Variants in SLC19A3 observed in about 807,000 individuals in gnomAD.
The protein encoded by SLC19A3 is solute carrier family 19 member 3.
A neutral mutation model predicts 40.2 loss-of-function variants in SLC19A3; 31 were observed. The observed-to-expected ratio is 0.77, with a 90% CI of 0.58 to 1.04. The LOEUF (loss-of-function observed/expected upper bound fraction) is 1.04, where lower values mean the gene tolerates loss of function less well. Ranked by LOEUF, SLC19A3 falls within the 50% of genes least tolerant of loss-of-function variation. The probability of loss-of-function intolerance (pLI) is 0.00; values close to 1 mark genes in which losing one functional copy is unlikely to be tolerated. For synonymous variants in SLC19A3, 212 were observed against 227.5 expected (o/e 0.93, Z 0.61); for missense variants, 592 against 596.7 (o/e 0.99, Z 0.08).
chr2:227,687,233 A>T lies in SLC19A3; in HGVS notation c.*164T>A. On this transcript the variant is annotated 3_prime_UTR_variant, in exon 6 of 6. Transcript: ENST00000644224. ...GCATCCAGTAAAATTGGTCACATAGAGAACTCATCTAAAACTGAGGTTTTG... is the reference window on the plus strand; with the variant it reads ...GCATCCAGTAAAATTGGTCACATAGTGAACTCATCTAAAACTGAGGTTTTG... The T allele has an allele frequency of 4.5e-6, 3 of 668,038 alleles. No homozygotes were observed. The highest frequency in any genetic ancestry group is 7.5e-6 in the Non-Finnish European group (3 of 401,200). 41.4% of individuals were successfully genotyped at this position (668,038 alleles called of 1,614,324 possible). A position where few individuals can be genotyped will look rare whatever the true frequency, so the allele number is the denominator to read the frequency against.
intron 1 of SLC19A3, chr2:227,706,664 G>A (rs527583773): frequency 5.5e-6 from 1 of 181,118 alleles, no homozygotes; most frequent in East Asian, 1.4e-4. Context: ...CCAGCTACTT[G>A]GGTGGCTGAG....
chr2:227,705,039 G>A (rs537073212), intron 1 of SLC19A3, among the ~76,000 whole-genome samples: 10 of 151,946 alleles, frequency 6.6e-5, no homozygotes, highest in South Asian at 2.1e-4. Flanking sequence ...CACCATGCCT[G>A]GCTAATTTTT....
intron 1 of SLC19A3, chr2:227,714,484 A>G: frequency 1.0e-6 from 1 of 985,414 alleles, no homozygotes; most frequent in Non-Finnish European, 1.2e-6. Flanking sequence ...CTTTCTTTCT[A>G]GAACCAAGCT....
At chr2:227,699,643 C>T (rs1695599033) in intron 2 of SLC19A3, 79 bp from the exon 3 acceptor site, 1 of 1,192,180 alleles carries the variant, frequency 8.4e-7, no homozygotes, top group East Asian at 2.3e-5. Flanking sequence ...TCAAATTCTG[C>T]CTCCAATTGG....
At chr2:227,688,056 G>GT in intron 5 of SLC19A3, 110 bp downstream of exon 5, 1 of 1,172,942 alleles carries the variant, frequency 8.5e-7, no homozygotes, top group Non-Finnish European at 1.3e-6. Context: ...AAGGAATTAT[G>GT]TATTTTTTAA....
intron 3 of SLC19A3, 72 bp from the exon 4 acceptor site, chr2:227,696,153 A>G: frequency 2.8e-6 from 4 of 1,434,340 alleles, no homozygotes; most frequent in Admixed American, 1.7e-5. Context: ...CCCTCTCTTA[A>G]AAACCCAGGT....
At position 227,687,292 on chromosome 2, in the gene SLC19A3, T is replaced by C; in HGVS notation, c.*105A>G. On this transcript the variant is annotated 3_prime_UTR_variant, in exon 6 of 6. Transcript: ENST00000644224. Reference sequence around the variant, plus strand: ...TTGAAAGGTCCATTGGAATCCAGATTTGCAAAGCATGTCAAGTTATGGCAA... The same window carrying C: ...TTGAAAGGTCCATTGGAATCCAGATCTGCAAAGCATGTCAAGTTATGGCAA... 2.5e-6 allele frequency: 3 copies of C among 1,214,386 alleles called. No individual in the cohort carries two copies. The South Asian group carries it at 4.5e-5, about 18-fold the overall frequency. 75.2% of individuals were successfully genotyped at this position (1,214,386 alleles called of 1,614,324 possible).
At position 227,699,660 on chromosome 2, in the gene SLC19A3, T is replaced by C; in HGVS notation, c.151-96A>G. The C allele has an allele frequency of 2.9e-6, 3 of 1,018,748 alleles. No individual in the cohort carries two copies. The South Asian group carries it at 3.8e-5, about 13-fold the overall frequency. The allele number at this position is 1,018,748 out of a possible 1,614,324, so 63.1% of individuals were successfully genotyped here. A position where few individuals can be genotyped will look rare whatever the true frequency, so the allele number is the denominator to read the frequency against. On this transcript the variant is annotated intron_variant, in intron 2 of 5. Transcript: ENST00000644224. ...AAATTCTGCCTCCAATTGGAAATTA[T>C]TCGCATTACGGAGAAACATAATGAG...
intron 5 of SLC19A3, 133 bp from the exon 6 acceptor site, chr2:227,687,706 T>C (rs568041183): frequency 1.2e-6 from 1 of 820,132 alleles, no homozygotes; most frequent in Non-Finnish European, 2.0e-6. Flanking sequence ...GTCATTTAGG[T>C]TGAACAATAC....
At chr2:227,695,621 C>T in intron 4 of SLC19A3, 1 of 433,532 alleles carries the variant, frequency 2.3e-6, no homozygotes, top group Non-Finnish European at 4.2e-6. Context: ...CAAAATAAAA[C>T]AAAAAGAAAA....
Position 227,695,869 on chromosome 2 carries a change from G to A in SLC19A3, c.1172+20C>T. Reference sequence around the variant, plus strand: ...AGAGAGGAATACAGTTCAGTTTTAGGAGTGGTTGGTAAAACTTACACTGCT... The same window carrying A: ...AGAGAGGAATACAGTTCAGTTTTAGAAGTGGTTGGTAAAACTTACACTGCT... On this transcript the variant is annotated intron_variant, in intron 4 of 5. Transcript: ENST00000644224. 1 of 1,608,890 alleles carries A rather than the reference G, an allele frequency of 6.2e-7. No homozygotes were observed. The highest frequency in any genetic ancestry group is 8.5e-7 in the Non-Finnish European group (1 of 1,175,824).
Position 227,703,170 on chromosome 2 carries a change from G to A in SLC19A3, c.-2-850C>T, listed in dbSNP as rs899861509. Among the ~76,000 whole-genome samples the A allele has an allele frequency of 1.4e-4, 22 of 152,292 alleles. No individual in the cohort carries two copies. Among genetic ancestry groups the A allele is most frequent in the Admixed American group, 9.2e-4 (14 of 15,288 alleles). ...TGACAACCACAGTGAGGGAAAAAAC[G>A]TGTATTTATAAACACATTCACACTA... On this transcript the variant is annotated intron_variant, in intron 1 of 5. Coordinates refer to ENST00000644224, the MANE Select transcript of SLC19A3 (RefSeq NM_025243.4). This position sits in a 1 kb window ranked among gnomAD's most constrained non-coding sequence, Gnocchi z 4.7.
intron 1 of SLC19A3, among the ~76,000 whole-genome samples, chr2:227,713,969 C>A (rs1157202039): frequency 4.0e-5 from 6 of 149,218 alleles, no homozygotes; most frequent in Non-Finnish European, 8.9e-5. Context: ...CAACTACGGT[C>A]ATCTTGGAGG....
intron 4 of SLC19A3, among the ~76,000 whole-genome samples, chr2:227,689,179 AATAG>A (rs1171136482): frequency 1.3e-5 from 2 of 152,172 alleles, no homozygotes; most frequent in African/African-American, 4.8e-5. Context: ...GAGGTAAAGA[AATAG>A]ATAGAGGTAG....
intron 3 of SLC19A3, 65 bp from the exon 4 acceptor site, chr2:227,696,146 T>A: frequency 6.6e-7 from 1 of 1,511,110 alleles, no homozygotes. Context: ...ATCAACACCC[T>A]CTCTTAAAAA....
chr2:227,711,464 AT>A (rs1696138105), intron 1 of SLC19A3, among the ~76,000 whole-genome samples: 1 of 151,654 alleles, frequency 6.6e-6, no homozygotes, highest in South Asian at 2.1e-4. Flanking sequence ...ATAAAATAAA[AT>A]AAAAATTGGA....
rs1297367593 is a variant in SLC19A3 at position 227,687,353 on chromosome 2, A to G, written c.*44T>C. 1 of 1,558,986 alleles carries G rather than the reference A, an allele frequency of 6.4e-7. No homozygotes were observed. On this transcript the variant is annotated 3_prime_UTR_variant, in exon 6 of 6. Coordinates refer to ENST00000644224, the MANE Select transcript of SLC19A3 (RefSeq NM_025243.4). ...ACCCATCTCAAAATCTTTCCTTATT[A>G]TTGCATAACTTTGAAAGCCACTGTT...
At chr2:227,710,092 C>G (rs1483378653) in intron 1 of SLC19A3, among the ~76,000 whole-genome samples, 2 of 152,104 alleles carry the variant, frequency 1.3e-5, no homozygotes, top group Non-Finnish European at 2.9e-5. Flanking sequence ...CGCCACTGAT[C>G]TGACGGGAGA....
chr2:227,702,103 G>A, intron 2 of SLC19A3, 66 bp downstream of exon 2: 1 of 1,305,862 alleles, frequency 7.7e-7, no homozygotes, highest in Non-Finnish European at 1.1e-6. Flanking sequence ...GGGAAGCCCT[G>A]TATCCTTGTT....
Sources: gnomAD v4.1 joint callset for allele counts (sites outside exome capture counted in the v4.1 genomes callset) on GRCh38, gnomAD v4.1.1 for gene constraint, Gnocchi (gnomAD v3.1) non-coding constraint, MANE v1.5 for transcripts, NCBI Gene and HGNC (gene_info 2026-07-23, HGNC 2026-07-21) for gene names.